MGLL: variants seen among roughly 807,000 people sequenced by gnomAD.
MGLL encodes lysophospholipase homolog.
MGLL carries 7 observed loss-of-function variants against 29.1 expected under a neutral mutation model. That is an observed-to-expected ratio of 0.24 (90% CI 0.14 to 0.45). The LOEUF is 0.45. Ranked by LOEUF, MGLL falls within the 20% of genes least tolerant of loss-of-function variation. The probability of loss-of-function intolerance (pLI) is 0.99; values close to 1 mark genes in which losing one functional copy is unlikely to be tolerated. For synonymous variants in MGLL, 148 were observed against 168.3 expected (o/e 0.88, Z 0.93); for missense variants, 356 against 413.6 (o/e 0.86, Z 1.21).
intron 3 of MGLL, among the ~76,000 whole-genome samples, chr3:127,774,991 CAG>C (rs2107699956): frequency 6.6e-6 from 1 of 152,132 alleles, no homozygotes; most frequent in East Asian, 1.9e-4. Context: ...GACCTCATAT[CAG>C]AGAGGGCACA....
At chr3:127,692,390 T>C (rs2075264993) in intron 7 of MGLL, 67 bp from the exon 8 acceptor site, 2 of 1,592,696 alleles carry the variant, frequency 1.3e-6, no homozygotes, top group South Asian at 2.2e-5. Context: ...GCGGAGACCG[T>C]GGGCAGTGGG....
intron 3 of MGLL, among the ~76,000 whole-genome samples, chr3:127,766,050 G>C (rs899491228): frequency 6.6e-6 from 1 of 152,134 alleles, no homozygotes; most frequent in African/African-American, 2.4e-5. Flanking sequence ...GGGAAACTGA[G>C]GCTCACCAGT....
At chr3:127,729,895 C>G (rs2076117506) in intron 3 of MGLL, among the ~76,000 whole-genome samples, 1 of 152,220 alleles carries the variant, frequency 6.6e-6, no homozygotes, top group Admixed American at 6.5e-5. Context: ...ATGTAGGCAT[C>G]TCCTGGATAA....
At chr3:127,697,383 C>T (rs867570705) in intron 6 of MGLL, among the ~76,000 whole-genome samples, 1 of 152,326 alleles carries the variant, frequency 6.6e-6, no homozygotes, top group African/African-American at 2.4e-5. Flanking sequence ...CTGCCCGGCA[C>T]TAAGTGTTTT....
At chr3:127,737,641 T>C (rs1284344910) in intron 3 of MGLL, among the ~76,000 whole-genome samples, 15 of 125,702 alleles carry the variant, frequency 1.2e-4, no homozygotes, top group Admixed American at 1.1e-3. Flanking sequence ...TTTTTTTTTT[T>C]TTTTTTTTTT....
chr3:127,782,865 C>A (rs2077151676), intron 2 of MGLL, among the ~76,000 whole-genome samples: 2 of 152,138 alleles, frequency 1.3e-5, no homozygotes, highest in Non-Finnish European at 2.9e-5. Context: ...GATTTATCTT[C>A]TTTACAGATG....
intron 6 of MGLL, among the ~76,000 whole-genome samples, chr3:127,697,300 T>C (rs1019510019): frequency 1.3e-5 from 2 of 152,216 alleles, no homozygotes; most frequent in African/African-American, 4.8e-5. Flanking sequence ...TCTACCAGCC[T>C]GTGCAGGGCT....
Position 127,691,469 on chromosome 3 carries a change from G to A in MGLL, c.*729C>T, listed in dbSNP as rs1392776974. 1.3e-5 allele frequency: 2 copies of A among 152,368 alleles called. No homozygotes were observed. Among genetic ancestry groups the A allele is most frequent in the African/African-American group, 4.8e-5 (2 of 41,462 alleles). The allele number at this position is 152,368 out of a possible 1,614,324, so 9.4% of individuals were successfully genotyped here. ...ACTCTAGAGGAAAGGCAGCCTTTGT[G>A]AGTACAGGCGGCACTCGGGGACCAA... On this transcript the variant is annotated 3_prime_UTR_variant, in exon 8 of 8. Transcript: ENST00000265052.
intron 2 of MGLL, among the ~76,000 whole-genome samples, chr3:127,793,912 GAAGT>G (rs1385583111): frequency 1.3e-5 from 2 of 152,192 alleles, no homozygotes; most frequent in African/African-American, 4.8e-5. Context: ...TAAATATCTT[GAAGT>G]AAGACTGTCT....
chr3:127,747,432 C>G (rs903463785), intron 3 of MGLL, among the ~76,000 whole-genome samples: 2 of 152,206 alleles, frequency 1.3e-5, no homozygotes, highest in African/African-American at 4.8e-5. Flanking sequence ...CTACTACAGA[C>G]CCCTGCTGGA....
intron 3 of MGLL, among the ~76,000 whole-genome samples, chr3:127,731,004 T>C (rs1003645467): frequency 4.6e-5 from 7 of 152,214 alleles, no homozygotes; most frequent in Non-Finnish European, 1.0e-4. Flanking sequence ...GTTTGATCAA[T>C]GTCTGTTGAA....
chr3:127,783,143 C>CAAAAAAA (rs72041528), intron 2 of MGLL, among the ~76,000 whole-genome samples: 4 of 63,932 alleles, frequency 6.3e-5, no homozygotes, highest in Admixed American at 2.2e-4. Flanking sequence ...GACTCTGTCT[C>CAAAAAAA]AAAAAAAAAA....
intron 6 of MGLL, among the ~76,000 whole-genome samples, chr3:127,705,113 A>T (rs555707887): frequency 2.0e-5 from 3 of 152,334 alleles, no homozygotes; most frequent in South Asian, 4.1e-4. Context: ...CAGCAAACTA[A>T]CGCAGGAACT....
intron 3 of MGLL, among the ~76,000 whole-genome samples, chr3:127,742,050 C>T (rs2076350040): frequency 6.6e-6 from 1 of 152,144 alleles, no homozygotes; most frequent in South Asian, 2.1e-4. Context: ...ATGGAATTCT[C>T]AAGATAAACT....
rs55892315 is a variant in MGLL, at chr3:127,721,507, G to GTTTTTT, written c.400-350_400-345dup. On this transcript the variant is annotated intron_variant, in intron 4 of 7. Coordinates refer to ENST00000265052, the MANE Select transcript of MGLL (RefSeq NM_007283.7). ...CCATCCCGACAGGCTTAATAGGAGG[G>GTTTTTT]TTTTTTTTTTTTTTTTTTTTTTTGG... Among the ~76,000 whole-genome samples the GTTTTTT allele has an allele frequency of 9.4e-4, 89 of 94,782 alleles. 3 individuals carry two copies. Among genetic ancestry groups the GTTTTTT allele is most frequent in the African/African-American group, 1.6e-3 (39 of 24,376 alleles). 62.2% of individuals were successfully genotyped at this position (94,782 alleles called of 152,430 possible).
rs115643166 is a variant in MGLL, at chr3:127,739,176, C to A, written c.263-16610G>T. 6.6e-3 allele frequency among the ~76,000 whole-genome samples: 1,001 copies of A among 152,304 alleles called. 9 individuals carry two copies. Among genetic ancestry groups the A allele is most frequent in the African/African-American group, 0.022 (904 of 41,554 alleles). On this transcript the variant is annotated intron_variant, in intron 3 of 7. Transcript: ENST00000265052. ...CTCAAGTGGCCGCTGAGTGCAAAGACCCCAGAATGAGACTTCTTCAGATCA... is the reference window on the plus strand; with the variant it reads ...CTCAAGTGGCCGCTGAGTGCAAAGAACCCAGAATGAGACTTCTTCAGATCA...
chr3:127,697,302 T>G (rs1394630752), intron 6 of MGLL, among the ~76,000 whole-genome samples: 1 of 152,226 alleles, frequency 6.6e-6, no homozygotes, highest in Non-Finnish European at 1.5e-5. Flanking sequence ...TACCAGCCTG[T>G]GCAGGGCTGC....
intron 6 of MGLL, among the ~76,000 whole-genome samples, chr3:127,706,766 C>T (rs755194893): frequency 6.6e-6 from 1 of 152,024 alleles, no homozygotes; most frequent in African/African-American, 2.4e-5. Flanking sequence ...CTAGCCAAAC[C>T]GAGTTTGCTG....
At chr3:127,788,238 C>T (rs551023335) in intron 2 of MGLL, among the ~76,000 whole-genome samples, 11 of 152,274 alleles carry the variant, frequency 7.2e-5, no homozygotes, top group Admixed American at 2.0e-4. Flanking sequence ...CAGCTGACAC[C>T]TTGGCCAGAT....
Sources: allele counts gnomAD v4.1 joint callset (sites outside exome capture counted in the v4.1 genomes callset), GRCh38; gene constraint gnomAD v4.1.1; transcripts MANE v1.5; gene names NCBI Gene and HGNC (gene_info 2026-07-23, HGNC 2026-07-21).